MEIS2: variants seen among roughly 807,000 people sequenced by gnomAD.
MEIS2 encodes Meis homeobox 2, also known as homeobox protein Meis2.
In MEIS2, 9 loss-of-function variants were observed where a neutral mutation model predicts 58.6. The ratio of observed to expected loss-of-function variants is 0.15; its 90% CI spans 0.09 to 0.27. MEIS2 has a LOEUF of 0.27. Among genes scored for constraint, MEIS2 ranks in the 10% least tolerant of loss-of-function variants. MEIS2 has a pLI of 1.00. For synonymous variants in MEIS2, 221 were observed against 228.4 expected (o/e 0.97, Z 0.29); for missense variants, 427 against 635.0 (o/e 0.67, Z 3.52).
At chr15:37,093,928 A>G in intron 5 of MEIS2, 198 bp from the exon 6 acceptor site, 1 of 605,826 alleles carries the variant, frequency 1.7e-6, no homozygotes, top group South Asian at 2.4e-5. Flanking sequence ...TGCAGCAGAT[A>G]TTATTCTCCA....
At position 36,982,933 on chromosome 15, in the gene MEIS2, C is replaced by T. The variant is rs530268728; in HGVS notation, c.901-32533G>A. 1.4e-4 allele frequency among the ~76,000 whole-genome samples: 21 copies of T among 152,174 alleles called. No individual in the cohort carries two copies. The South Asian group carries it at 3.5e-3, about 26-fold the overall frequency. On this transcript the variant is annotated intron_variant, in intron 8 of 11. Transcript: ENST00000561208. ...GAGAATTTTTTCATATACCAATTGGCCATTTGTATGTCTTCTTTGGAAAAA... is the reference window on the plus strand; with the variant it reads ...GAGAATTTTTTCATATACCAATTGGTCATTTGTATGTCTTCTTTGGAAAAA...
chr15:37,086,140 C>G (rs547533892), intron 6 of MEIS2, among the ~76,000 whole-genome samples: 1 of 152,230 alleles, frequency 6.6e-6, no homozygotes, highest in East Asian at 1.9e-4. Flanking sequence ...TATAAAAGCT[C>G]CTTACCCCTC....
chr15:36,987,959 A>G (rs1239208371), intron 8 of MEIS2, among the ~76,000 whole-genome samples: 1 of 152,200 alleles, frequency 6.6e-6, no homozygotes, highest in African/African-American at 2.4e-5. Context: ...ATTTTACTTT[A>G]GAAATGCTCA....
intron 8 of MEIS2, among the ~76,000 whole-genome samples, chr15:37,002,086 C>T (rs1245583901): frequency 5.3e-5 from 8 of 152,166 alleles, no homozygotes; most frequent in South Asian, 2.1e-4. Context: ...TCATTCTCCA[C>T]CCAATTATAT....
intron 7 of MEIS2, among the ~76,000 whole-genome samples, chr15:37,080,256 C>T (rs1367910702): frequency 6.6e-6 from 1 of 151,990 alleles, no homozygotes; most frequent in African/African-American, 2.4e-5. Context: ...AAAAATAAAA[C>T]AAACTTGGCA....
intron 7 of MEIS2, among the ~76,000 whole-genome samples, chr15:37,053,265 T>C (rs1315319343): frequency 3.3e-5 from 5 of 152,176 alleles, no homozygotes; most frequent in Non-Finnish European, 7.4e-5. Flanking sequence ...TTGATCACAC[T>C]AGGCTAGGGA....
intron 1 of MEIS2, 183 bp from the exon 2 acceptor site, chr15:37,098,382 GAGAGAGAGAGAGA>G: frequency 1.6e-5 from 9 of 557,014 alleles, no homozygotes; most frequent in Non-Finnish European, 1.9e-5. Flanking sequence ...GAGAGGGGGA[GAGAGAGAGAGAGA>G]GAGAGAGAGA....
At chr15:37,007,633 T>C (rs865940004) in intron 8 of MEIS2, among the ~76,000 whole-genome samples, 16 of 152,230 alleles carry the variant, frequency 1.1e-4, no homozygotes, top group Admixed American at 2.6e-4. Context: ...TATTTTTCTG[T>C]TATTTTAAGG....
At chr15:36,896,523 T>C (rs2056186323) in intron 10 of MEIS2, 105 bp downstream of exon 10, 3 of 856,198 alleles carry the variant, frequency 3.5e-6, no homozygotes, top group Non-Finnish European at 3.5e-6. Flanking sequence ...AAATCCAGAA[T>C]GCCTGGTGGA....
At position 37,100,319 on chromosome 15, in the gene MEIS2, TTCTC is replaced by T. The variant is rs928843066; in HGVS notation, c.-857_-854del. ...TCGCGCTCGCTCTCTCTCGCTCTCT[TTCTC>T]TCTCTGGGAGATGAGTGAGTGTCAG... On this transcript the variant is annotated 5_prime_UTR_variant, in exon 1 of 12. Transcript: ENST00000561208. 6.6e-6 allele frequency: 1 copy of T among 152,402 alleles called. No homozygotes were observed. Among genetic ancestry groups the T allele is most frequent in the African/African-American group, 2.4e-5 (1 of 41,338 alleles). The allele number at this position is 152,402 out of a possible 1,614,324, so 9.4% of individuals were successfully genotyped here. A position where few individuals can be genotyped will look rare whatever the true frequency, so the allele number is the denominator to read the frequency against.
chr15:37,092,759 C>T (rs1172721922), intron 6 of MEIS2, among the ~76,000 whole-genome samples: 4 of 86,358 alleles, frequency 4.6e-5, no homozygotes, highest in Non-Finnish European at 8.3e-5. Flanking sequence ...GCATCAGACT[C>T]ACTAGATTGG....
intron 9 of MEIS2, among the ~76,000 whole-genome samples, chr15:36,935,738 CTA>C (rs1294894599): frequency 1.3e-5 from 2 of 151,778 alleles, no homozygotes; most frequent in Non-Finnish European, 2.9e-5. Flanking sequence ...ATCTGTTTGA[CTA>C]TGGCTTTATC....
intron 8 of MEIS2, among the ~76,000 whole-genome samples, chr15:36,993,983 C>G (rs2060387753): frequency 1.3e-5 from 2 of 151,742 alleles, no homozygotes; most frequent in African/African-American, 4.8e-5. Context: ...TTTTCAGGGT[C>G]AATAAAGCCA....
chr15:37,020,501 C>T (rs12437615), intron 8 of MEIS2, among the ~76,000 whole-genome samples: 19,141 of 152,142 alleles, frequency 0.13, 1,260 homozygotes, highest in East Asian at 0.21. Context: ...GTCCTCCCCA[C>T]GCCTTCTTTG....
chr15:36,953,722 T>G (rs1327105742), intron 8 of MEIS2, among the ~76,000 whole-genome samples: 1 of 152,198 alleles, frequency 6.6e-6, no homozygotes, highest in Non-Finnish European at 1.5e-5. Context: ...TAAGAAGACA[T>G]GTATGGCTTA....
intron 8 of MEIS2, among the ~76,000 whole-genome samples, chr15:36,974,288 AC>A (rs1201764763): frequency 6.6e-6 from 1 of 152,170 alleles, no homozygotes; most frequent in Non-Finnish European, 1.5e-5. Flanking sequence ...TCAAGCTCCT[AC>A]ATAGTTCGTT....
intron 8 of MEIS2, among the ~76,000 whole-genome samples, chr15:37,022,492 T>TC (rs1275833432): frequency 6.6e-6 from 1 of 152,014 alleles, no homozygotes; most frequent in Non-Finnish European, 1.5e-5. Flanking sequence ...CAAGAGATCC[T>TC]CCCACCTCTG....
At chr15:36,974,116 A>T (rs1327959233) in intron 8 of MEIS2, among the ~76,000 whole-genome samples, 1 of 152,182 alleles carries the variant, frequency 6.6e-6, no homozygotes, top group African/African-American at 2.4e-5. Flanking sequence ...AGGTACAGAT[A>T]AATTCTTGTC....
chr15:37,069,944 T>C lies in MEIS2; in HGVS notation c.754+13827A>G, dbSNP rs564463473. ...ATCCACTCCAAATGAGGAAAGATTG[T>C]TGTTTTCTCACCTCCTTCCTCTTTC... On this transcript the variant is annotated intron_variant, in intron 7 of 11. Coordinates refer to ENST00000561208, the MANE Select transcript of MEIS2 (RefSeq NM_170675.5). Among the ~76,000 whole-genome samples, 42 of 152,198 alleles carry C rather than the reference T, an allele frequency of 2.8e-4. No individual in the cohort carries two copies. The South Asian group carries it at 8.7e-3, about 32-fold the overall frequency.
Sources: allele counts gnomAD v4.1 joint callset (sites outside exome capture counted in the v4.1 genomes callset), GRCh38; gene constraint gnomAD v4.1.1; transcripts MANE v1.5; gene names NCBI Gene and HGNC (gene_info 2026-07-23, HGNC 2026-07-21).